SEPTIN10: variants seen among roughly 807,000 people sequenced by gnomAD.
SEPTIN10 encodes septin 10.
A neutral mutation model predicts 54.8 loss-of-function variants in SEPTIN10; 66 were observed. The observed-to-expected ratio is 1.21, with a 90% CI of 0.99 to 1.48. SEPTIN10 has a LOEUF of 1.48. Ranked by LOEUF, SEPTIN10 falls within the 40% of genes most tolerant of loss-of-function variation. SEPTIN10 has a pLI of 0.00. For synonymous variants in SEPTIN10, 161 were observed against 181.0 expected, an observed-to-expected ratio of 0.89 and a Z score of 0.89; for missense variants, 620 against 545.6, an observed-to-expected ratio of 1.14 and a Z score of -1.36.
At chr2:109,603,533 C>A (rs1330126282) in intron 1 of SEPTIN10, among the ~76,000 whole-genome samples, 1 of 150,516 alleles carries the variant, frequency 6.6e-6, no homozygotes, top group Non-Finnish European at 1.5e-5. Context: ...ACCACCGCGC[C>A]CGGCCTCATA....
At chr2:109,569,388 G>A (rs1391471282) in intron 5 of SEPTIN10, among the ~76,000 whole-genome samples, 3 of 149,114 alleles carry the variant, frequency 2.0e-5, no homozygotes, top group Non-Finnish European at 4.4e-5. Flanking sequence ...CCGAGATCGC[G>A]TCATTGCATT....
At chr2:109,559,478 CCTTT>C (rs1180052159) in intron 8 of SEPTIN10, among the ~76,000 whole-genome samples, 3 of 152,166 alleles carry the variant, frequency 2.0e-5, no homozygotes, top group Non-Finnish European at 4.4e-5. Context: ...GAAGAATCTC[CCTTT>C]CTAATTTCCC....
At chr2:109,610,571 C>T (rs1164365266) in intron 1 of SEPTIN10, among the ~76,000 whole-genome samples, 1 of 152,092 alleles carries the variant, frequency 6.6e-6, no homozygotes, top group African/African-American at 2.4e-5. Context: ...AAAAAATTAG[C>T]CGGGCGTGGT....
chr2:109,601,552 T>C (rs1297779493), intron 1 of SEPTIN10, among the ~76,000 whole-genome samples: 1 of 152,206 alleles, frequency 6.6e-6, no homozygotes. Context: ...CAATTCATGT[T>C]TTCCCACTTG....
chr2:109,575,570 T>C (rs1490529360), intron 4 of SEPTIN10, among the ~76,000 whole-genome samples: 1 of 152,244 alleles, frequency 6.6e-6, no homozygotes, highest in African/African-American at 2.4e-5. Flanking sequence ...TGCAGAGCAG[T>C]GTGCTAATGC....
chr2:109,544,285 C>A lies in SEPTIN10; in HGVS notation c.*24G>T. On this transcript the variant is annotated 3_prime_UTR_variant, in exon 11 of 11. Transcript: ENST00000397712. ...AATAAAGTTTGCTTGTGATGATGAC[C>A]TTCTGTGCTCTGGAACTTCTGTTTT... The A allele has an allele frequency of 1.9e-6, 3 of 1,610,950 alleles. No homozygotes were observed. Among genetic ancestry groups the A allele is most frequent in the Non-Finnish European group, 2.5e-6 (3 of 1,179,294 alleles).
In SEPTIN10 at chr2:109,574,638, C is replaced by G. The variant is rs191123260; in HGVS notation, c.543G>C (p.Pro181=). 1 of 1,603,720 alleles carries G rather than the reference C, an allele frequency of 6.2e-7. No homozygotes were observed. The highest frequency in any genetic ancestry group is 8.5e-7 in the Non-Finnish European group (1 of 1,175,094). ...RIHVCLYFIS[P]TGHSLKTLDL... ...CAAGTGTCTTCAGAGAGTGGCCTGT[C>G]GGTGAAATGAAGTAGAGACACACAT... The change falls in exon 5 of 11, where the codon CCG becomes CCC. Residue 181 remains proline (P), a synonymous_variant. Coordinates refer to ENST00000397712, the MANE Select transcript of SEPTIN10 (RefSeq NM_144710.5).
chr2:109,566,739 T>C (rs1471150377), intron 6 of SEPTIN10, among the ~76,000 whole-genome samples: 1 of 151,962 alleles, frequency 6.6e-6, no homozygotes, highest in Non-Finnish European at 1.5e-5. Context: ...ACAAGCAAAG[T>C]GGGAAGAAAT....
At chr2:109,600,416 G>A (rs1448989217) in intron 1 of SEPTIN10, among the ~76,000 whole-genome samples, 1 of 151,754 alleles carries the variant, frequency 6.6e-6, no homozygotes, top group Admixed American at 6.6e-5. Context: ...ATTATTCTGT[G>A]CATCTGACAA....
intron 1 of SEPTIN10, among the ~76,000 whole-genome samples, chr2:109,593,679 C>T (rs1259738762): frequency 1.3e-5 from 2 of 152,112 alleles, no homozygotes; most frequent in Admixed American, 6.5e-5. Context: ...GCTAGGATTA[C>T]AGGCATGAGC....
intron 8 of SEPTIN10, among the ~76,000 whole-genome samples, chr2:109,558,754 G>C (rs1230338658): frequency 1.3e-5 from 2 of 152,100 alleles, no homozygotes; most frequent in Non-Finnish European, 2.9e-5. Context: ...GTCACATAAA[G>C]GTCACCCAAC....
At chr2:109,564,156 A>C in intron 8 of SEPTIN10, 1 of 410,442 alleles carries the variant, frequency 2.4e-6, no homozygotes, top group Non-Finnish European at 4.2e-6. Context: ...ACTCTTTTTG[A>C]GTCAGACAAG....
rs371218240 is a variant in SEPTIN10, at chr2:109,574,696, C to T, written c.485G>A (p.Arg162His). The change falls in exon 5 of 11, where the codon CGT (arginine) becomes CAT (histidine). Residue 162 changes from arginine (R) to histidine (H), a missense_variant. Coordinates refer to ENST00000397712, the MANE Select transcript of SEPTIN10 (RefSeq NM_144710.5). ...AGAATCATGGTAGGTAAAGAGAGAACGCTTAATCTTCAGTTCTTCTTGGAG... is the reference window on the plus strand; with the variant it reads ...AGAATCATGGTAGGTAAAGAGAGAATGCTTAATCTTCAGTTCTTCTTGGAG... ...AYLQEELKIK[R>H]SLFTYHDSRI... 40 of 1,607,882 alleles carry T rather than the reference C, an allele frequency of 2.5e-5. No homozygotes were observed. The highest frequency in any genetic ancestry group is 1.0e-4 in the South Asian group (9 of 89,932).
intron 8 of SEPTIN10, among the ~76,000 whole-genome samples, chr2:109,564,048 C>T (rs560297281): frequency 2.4e-4 from 36 of 152,274 alleles, no homozygotes; most frequent in African/African-American, 7.2e-4. Context: ...CAGATAAATA[C>T]AAAAAGAAAT....
chr2:109,573,343 T>A (rs6716287), intron 5 of SEPTIN10, among the ~76,000 whole-genome samples: 48,595 of 152,050 alleles, frequency 0.32, 7,996 homozygotes, highest in Admixed American at 0.42. Flanking sequence ...ATGTTGCTCC[T>A]CTCTAGCTAA....
intron 4 of SEPTIN10, among the ~76,000 whole-genome samples, chr2:109,583,192 T>C (rs533725236): frequency 1.3e-5 from 2 of 152,324 alleles, no homozygotes; most frequent in African/African-American, 4.8e-5. Context: ...AAAGAGCTTC[T>C]ACATAGCAAA....
intron 1 of SEPTIN10, among the ~76,000 whole-genome samples, chr2:109,602,945 CCTGTGGAAA>C (rs1696977480): frequency 6.7e-6 from 1 of 149,600 alleles, no homozygotes; most frequent in South Asian, 2.1e-4. Flanking sequence ...GTGGTGTGTA[CCTGTGGAAA>C]CTGATACTTG....
Position 109,545,344 on chromosome 2 carries a change from A to G in SEPTIN10, c.1349+706T>C, listed in dbSNP as rs1680906291. On this transcript the variant is annotated intron_variant, in intron 10 of 10. Transcript: ENST00000397712. ...GGAAATTATCAAAAAGGAAAAATAA[A>G]CTTATTTTCTAAAACTTGGGTAACT... The G allele has an allele frequency of 3.3e-6, 5 of 1,496,778 alleles. No individual in the cohort carries two copies. The East Asian group carries it at 1.2e-4, about 37-fold the overall frequency. The allele number at this position is 1,496,778 out of a possible 1,614,324, so 92.7% of individuals were successfully genotyped here.
chr2:109,600,990 T>C (rs1696484713), intron 1 of SEPTIN10, among the ~76,000 whole-genome samples: 2 of 152,144 alleles, frequency 1.3e-5, no homozygotes, highest in South Asian at 4.2e-4. Flanking sequence ...TCTGTCCCCA[T>C]GGAGGAGGGT....
Sources: gnomAD v4.1 joint callset for allele counts (sites outside exome capture counted in the v4.1 genomes callset) on GRCh38, gnomAD v4.1.1 for gene constraint, MANE v1.5 for transcripts, NCBI Gene and HGNC (gene_info 2026-07-23, HGNC 2026-07-21) for gene names.